The following DPP6 variants were observed in gnomAD, a reference collection of about 807,000 sequenced individuals.
The protein encoded by DPP6 is A-type potassium channel modulatory protein DPP6.
Under a neutral mutation model 122.6 loss-of-function variants are expected in DPP6, and 69 were observed. The observed-to-expected ratio is 0.56, with a 90% CI of 0.46 to 0.69. DPP6 has a LOEUF of 0.69. Ranked by LOEUF, DPP6 falls within the 30% of genes least tolerant of loss-of-function variation. The pLI, the probability that DPP6 is intolerant of heterozygous loss-of-function variation, is 0.00. For synonymous variants in DPP6, 418 were observed against 433.1 expected, an observed-to-expected ratio of 0.97 and a Z score of 0.43; for missense variants, 928 against 1,116.9, an observed-to-expected ratio of 0.83 and a Z score of 2.41.
At position 154,672,160 on chromosome 7, in the gene DPP6, T is replaced by C. The variant is rs372186679; in HGVS notation, c.762+2719T>C. ...GAGATCTGATGGTTTCCCCCTTTGC[T>C]CGACACTCACTCTGTCTTCTGCTGC... is the stretch of plus-strand genomic sequence containing the variant. On this transcript the variant is annotated intron_variant, in intron 7 of 25. Coordinates refer to ENST00000377770, the MANE Select transcript of DPP6 (RefSeq NM_130797.4). 9.9e-5 allele frequency among the ~76,000 whole-genome samples: 15 copies of C among 152,282 alleles called. 1 individual carries two copies. The South Asian group carries it at 3.1e-3, about 32-fold the overall frequency.
At chr7:153,832,337 G>T in the DPP6 span, among the ~76,000 whole-genome samples, 8 of 152,198 alleles carry the variant, frequency 5.3e-5, no homozygotes, top group Admixed American at 2.6e-4. Context: ...CTCCAGCCAC[G>T]AGGGGGCTCC....
intron 1 of DPP6, among the ~76,000 whole-genome samples, chr7:153,932,019 G>A (rs1218269791): frequency 1.3e-5 from 2 of 151,902 alleles, no homozygotes; most frequent in African/African-American, 2.4e-5. Flanking sequence ...AAGAACTCTT[G>A]ATCATTTACA....
chr7:154,189,918 C>T (rs1025666261), intron 1 of DPP6, among the ~76,000 whole-genome samples: 1 of 152,146 alleles, frequency 6.6e-6, no homozygotes. Flanking sequence ...ATTTTGATGG[C>T]CAGTAACACC....
the DPP6 span, among the ~76,000 whole-genome samples, chr7:153,803,086 C>G: frequency 6.6e-6 from 1 of 151,762 alleles, no homozygotes; most frequent in Non-Finnish European, 1.5e-5. Context: ...CAACAGCTCA[C>G]AAGGCCCTGG....
At chr7:154,688,489 TAGTC>T (rs1267352744) in intron 7 of DPP6, among the ~76,000 whole-genome samples, 2 of 152,170 alleles carry the variant, frequency 1.3e-5, no homozygotes, top group Admixed American at 6.5e-5. Context: ...GCTAGTGTAT[TAGTC>T]AGGGTTCAGA....
intron 7 of DPP6, among the ~76,000 whole-genome samples, chr7:154,686,348 A>G (rs774721755): frequency 6.6e-6 from 1 of 151,858 alleles, no homozygotes; most frequent in South Asian, 2.1e-4. Flanking sequence ...TCTTAAATGC[A>G]CTGTAAATAC....
At chr7:154,313,711 A>ATATATATATATATATG (rs1563460342) in intron 1 of DPP6, among the ~76,000 whole-genome samples, 5 of 25,878 alleles carry the variant, frequency 1.9e-4, no homozygotes, top group East Asian at 2.5e-3. Flanking sequence ...ATATATATAT[A>ATATATATATATATATG]TATACACACA....
In DPP6 at chr7:154,362,240, A is replaced by T. The variant is rs184312118; in HGVS notation, c.244-83974A>T. Among the ~76,000 whole-genome samples the T allele has an allele frequency of 4.6e-5, 7 of 152,356 alleles. No homozygotes were observed. In the East Asian group the frequency reaches 1.2e-3, roughly 25 times the overall value. On this transcript the variant is annotated intron_variant, in intron 1 of 25. Coordinates refer to ENST00000377770, the MANE Select transcript of DPP6 (RefSeq NM_130797.4). Reference sequence around the variant, plus strand: ...ATGCAGGCTGCACAGACCTGGAAACAGCTTCTGTGGCTTCGCTCAGGAAAG... The same window carrying T: ...ATGCAGGCTGCACAGACCTGGAAACTGCTTCTGTGGCTTCGCTCAGGAAAG...
At chr7:153,748,897 G>C in the DPP6 span, among the ~76,000 whole-genome samples, 1 of 150,166 alleles carries the variant, frequency 6.7e-6, no homozygotes. Flanking sequence ...CCCTCCACGC[G>C]CCTAGGAAGT....
chr7:154,725,225 C>A (rs989686620), intron 7 of DPP6, among the ~76,000 whole-genome samples: 2 of 152,192 alleles, frequency 1.3e-5, no homozygotes, highest in Non-Finnish European at 2.9e-5. Flanking sequence ...TACAGTGTCC[C>A]AGCCCGTCAA....
At chr7:154,197,566 G>A (rs1198810407) in intron 1 of DPP6, among the ~76,000 whole-genome samples, 2 of 152,112 alleles carry the variant, frequency 1.3e-5, no homozygotes, top group African/African-American at 2.4e-5. Flanking sequence ...AACATCCAGC[G>A]CCTTCCCTGA....
At chr7:154,798,205 A>G (rs1587174198) in intron 12 of DPP6, among the ~76,000 whole-genome samples, 1 of 152,346 alleles carries the variant, frequency 6.6e-6, no homozygotes, top group East Asian at 1.9e-4. Context: ...GGCAGAGTGC[A>G]TGGTCCCTGG....
intron 17 of DPP6, 132 bp downstream of exon 17, chr7:154,853,959 A>C: frequency 8.1e-7 from 1 of 1,240,490 alleles, no homozygotes; most frequent in Middle Eastern, 1.9e-4. Context: ...GCAGTTCAGA[A>C]TAGGCCATGC....
chr7:154,427,664 A>C (rs1818023808), intron 1 of DPP6, among the ~76,000 whole-genome samples: 2 of 152,218 alleles, frequency 1.3e-5, no homozygotes, highest in South Asian at 4.1e-4. Context: ...ATATCAATTC[A>C]GTTTGTTTTT....
intron 1 of DPP6, among the ~76,000 whole-genome samples, chr7:154,339,049 C>G (rs998695206): frequency 1.3e-5 from 2 of 152,194 alleles, no homozygotes; most frequent in African/African-American, 4.8e-5. Flanking sequence ...TGGCTGTGAA[C>G]AGGCCAGATT....
chr7:154,348,901 C>T (rs1395832116), intron 1 of DPP6, among the ~76,000 whole-genome samples: 3 of 152,178 alleles, frequency 2.0e-5, no homozygotes, highest in Admixed American at 6.5e-5. Flanking sequence ...GGCTGAATGA[C>T]CCTTAAGGTG....
chr7:153,958,277 G>T (rs1795160588), intron 1 of DPP6, among the ~76,000 whole-genome samples: 2 of 152,310 alleles, frequency 1.3e-5, no homozygotes, highest in South Asian at 4.1e-4. Context: ...AGGGCTGGGG[G>T]AGTGCACTTG....
intron 8 of DPP6, among the ~76,000 whole-genome samples, chr7:154,738,931 A>G (rs1202125521): frequency 1.3e-5 from 2 of 152,190 alleles, no homozygotes; most frequent in Non-Finnish European, 2.9e-5. Context: ...TTAAAACAGC[A>G]AAGTGTATTT....
chr7:154,614,041 C>T (rs1332966951), intron 5 of DPP6, among the ~76,000 whole-genome samples: 4 of 152,238 alleles, frequency 2.6e-5, no homozygotes, highest in Admixed American at 1.3e-4. Context: ...AGCGGCAGCA[C>T]GGCCAGCCTC....
Sources: allele counts gnomAD v4.1 joint callset (sites outside exome capture counted in the v4.1 genomes callset), GRCh38; gene constraint gnomAD v4.1.1; transcripts MANE v1.5; gene names NCBI Gene and HGNC (gene_info 2026-07-23, HGNC 2026-07-21).